The following DNAH8 variants were observed in gnomAD, a reference collection of about 807,000 sequenced individuals.
The protein encoded by DNAH8 is dynein axonemal heavy chain 8.
In DNAH8, 382 loss-of-function variants were observed where a neutral mutation model predicts 562.1. The observed-to-expected ratio is 0.68, with a 90% CI of 0.63 to 0.74. The LOEUF is 0.74. Among genes scored for constraint, DNAH8 ranks in the 30% least tolerant of loss-of-function variants. The probability of loss-of-function intolerance (pLI) is 0.00; values close to 1 mark genes in which losing one functional copy is unlikely to be tolerated. For synonymous variants in DNAH8, 1,881 were observed against 1,919.4 expected (o/e 0.98, Z 0.52); for missense variants, 5,203 against 5,620.4 (o/e 0.93, Z 2.37).
rs1267619757 is a variant in DNAH8, at chr6:38,743,014, T to TGTGC, written c.1293+1127_1293+1128insGTGC. Among the ~76,000 whole-genome samples the TGTGC allele has an allele frequency of 7.0e-5, 10 of 142,752 alleles. 1 individual carries two copies. The highest frequency in any genetic ancestry group is 1.4e-4 in the Non-Finnish European group (9 of 65,328). 93.7% of individuals were successfully genotyped at this position (142,752 alleles called of 152,430 possible). A position where few individuals can be genotyped will look rare whatever the true frequency, so the allele number is the denominator to read the frequency against. ...AAAAATGTTGTTGTTGTGCTTTTTTTTTTTTTTTTTTTTTTTTTTTAAAGA... is the reference window on the plus strand; with the variant it reads ...AAAAATGTTGTTGTTGTGCTTTTTTTGTGCTTTTTTTTTTTTTTTTTTTTAAAGA... On this transcript the variant is annotated intron_variant, in intron 8 of 92. Coordinates refer to ENST00000327475, the MANE Select transcript of DNAH8 (RefSeq NM_001206927.2).
chr6:38,734,983 A>G (rs1438505864), intron 5 of DNAH8, among the ~76,000 whole-genome samples: 1 of 152,196 alleles, frequency 6.6e-6, no homozygotes, highest in Admixed American at 6.5e-5. Flanking sequence ...TAGAGCCTGG[A>G]CATTGCTAAG....
intron 17 of DNAH8, among the ~76,000 whole-genome samples, chr6:38,783,599 C>G (rs1193163212): frequency 6.6e-6 from 1 of 152,038 alleles, no homozygotes; most frequent in Non-Finnish European, 1.5e-5. Flanking sequence ...GTTTGAGCTC[C>G]AGTAAATGAA....
At chr6:38,994,884 T>C (rs1207656954) in intron 88 of DNAH8, among the ~76,000 whole-genome samples, 1 of 152,130 alleles carries the variant, frequency 6.6e-6, no homozygotes, top group Non-Finnish European at 1.5e-5. Flanking sequence ...CCACACGTGA[T>C]CCGCCAGCCT....
chr6:38,780,643 G>A (rs1768490927), intron 15 of DNAH8, among the ~76,000 whole-genome samples: 1 of 152,120 alleles, frequency 6.6e-6, no homozygotes, highest in Admixed American at 6.5e-5. Flanking sequence ...TAAACATTGA[G>A]TACACATGGA....
rs571596846 is a variant in DNAH8 at position 38,775,841 on chromosome 6, A to G, written c.1852A>G (p.Arg618Gly). 3.7e-6 allele frequency: 6 copies of G among 1,606,490 alleles called. No individual in the cohort carries two copies. The highest frequency in any genetic ancestry group is 1.7e-4 in the Middle Eastern group (1 of 6,026). ...AATAGATATTATGGCAATAAAATTC[A>G]GAAATATATACCAAGGGGTTAAGAA... ...EGIDIMAIKF[R>G]NIYQGVKKKQ... The change falls in exon 13 of 93, where the codon AGA becomes GGA. Residue 618 changes from arginine (R) to glycine (G), a missense_variant. This residue lies in a region of DNAH8 where 2,176 missense variants were observed against 2,365.1 expected (regional missense o/e 0.92). Coordinates refer to ENST00000327475, the MANE Select transcript of DNAH8 (RefSeq NM_001206927.2).
chr6:38,822,932 T>C lies in DNAH8; in HGVS notation c.3618T>C (p.Leu1206=). The change falls in exon 27 of 93, where the codon CTT becomes CTC. Residue 1206 remains leucine, a synonymous_variant. Transcript: ENST00000327475. ...ATATTTCTAAGTTGGTCCTGCTCCT[T>C]TCTTCCTCTGTAAATTCCCTAAGAA... ...HKDISKLVLL[L]SSSVNSLRKA... The C allele has an allele frequency of 1.2e-6, 2 of 1,613,738 alleles. No homozygotes were observed. The highest frequency in any genetic ancestry group is 8.5e-7 in the Non-Finnish European group (1 of 1,179,868).
chr6:38,789,911 T>A lies in DNAH8; in HGVS notation c.2664+28T>A, dbSNP rs747712506. ...TGGTATTGCTGAAGGTTTGTATTGA[T>A]TTTCCTGTTATTTAAAATTAGATTT... On this transcript the variant is annotated intron_variant, in intron 19 of 92. Coordinates refer to ENST00000327475, the MANE Select transcript of DNAH8 (RefSeq NM_001206927.2). 2.6e-6 allele frequency: 4 copies of A among 1,526,728 alleles called. No homozygotes were observed. In the African/African-American group the frequency reaches 5.5e-5, roughly 21 times the overall value. 94.6% of individuals were successfully genotyped at this position (1,526,728 alleles called of 1,614,324 possible).
chr6:39,006,419 A>G (rs2150760869), intron 88 of DNAH8, among the ~76,000 whole-genome samples: 1 of 152,314 alleles, frequency 6.6e-6, no homozygotes, highest in African/African-American at 2.4e-5. Context: ...TATTGCAAAT[A>G]CAGTATTTTG....
chr6:38,867,026 AT>A, intron 47 of DNAH8, 150 bp downstream of exon 47: 1 of 583,006 alleles, frequency 1.7e-6, no homozygotes. Context: ...TTGGTTGTGT[AT>A]TTTTAAGACC....
chr6:38,996,378 A>G (rs1228338051), intron 88 of DNAH8, among the ~76,000 whole-genome samples: 4 of 152,058 alleles, frequency 2.6e-5, no homozygotes, highest in Non-Finnish European at 5.9e-5. Flanking sequence ...TGTTGTCTAG[A>G]CCTTTCCTCT....
intron 80 of DNAH8, among the ~76,000 whole-genome samples, chr6:38,948,175 T>C (rs1761585736): frequency 1.3e-5 from 2 of 152,156 alleles, no homozygotes; most frequent in Admixed American, 6.5e-5. Context: ...ACCACAGATA[T>C]GAGACTTTGG....
At chr6:38,932,215 C>CACACACACACACACACAT (rs1199457741) in intron 76 of DNAH8, among the ~76,000 whole-genome samples, 22 of 150,690 alleles carry the variant, frequency 1.5e-4, no homozygotes, top group African/African-American at 5.4e-4. Flanking sequence ...CACACACACA[C>CACACACACACACACACAT]ACCCGTCTCT....
intron 85 of DNAH8, among the ~76,000 whole-genome samples, chr6:38,981,109 A>G (rs1056595177): frequency 6.6e-6 from 1 of 151,958 alleles, no homozygotes; most frequent in Non-Finnish European, 1.5e-5. Context: ...GTATATACTT[A>G]GAGGTAAAAG....
chr6:38,770,576 C>A lies in DNAH8; in HGVS notation c.1764+17C>A. 1.9e-6 allele frequency: 3 copies of A among 1,564,874 alleles called. No individual in the cohort carries two copies. The South Asian group carries it at 3.7e-5, about 19-fold the overall frequency. On this transcript the variant is annotated intron_variant, in intron 12 of 92. Coordinates refer to ENST00000327475, the MANE Select transcript of DNAH8 (RefSeq NM_001206927.2). ...CTGGAGAAGGTAAGCATTATGCAGT[C>A]ATCGTACCCCACTCCACACCACACC...
At chr6:38,755,233 G>T (rs1199140260) in intron 9 of DNAH8, among the ~76,000 whole-genome samples, 1 of 152,106 alleles carries the variant, frequency 6.6e-6, no homozygotes, top group Non-Finnish European at 1.5e-5. Context: ...TATATCTGAT[G>T]TAATCAAACC....
At chr6:38,770,983 C>T (rs768288315) in intron 12 of DNAH8, among the ~76,000 whole-genome samples, 4 of 152,110 alleles carry the variant, frequency 2.6e-5, no homozygotes, top group African/African-American at 7.2e-5. Flanking sequence ...AAACATTGTG[C>T]GGGTGATATC....
At chr6:38,923,015 A>C (rs376739571) in intron 71 of DNAH8, 43 bp from the exon 72 acceptor site, 42 of 1,589,304 alleles carry the variant, frequency 2.6e-5, no homozygotes, top group Non-Finnish European at 3.4e-5. Flanking sequence ...TGTGTTAAGC[A>C]CTTAGAAAAG....
At position 38,722,796 on chromosome 6, in the gene DNAH8, C is replaced by T; in HGVS notation, c.-14C>T. ...TCTAGGTTTCGAAGTATAAAGCATT[C>T]CGCACGACGGGGGATGGAGAAGGAT... On this transcript the variant is annotated 5_prime_UTR_variant, in exon 2 of 93. Transcript: ENST00000327475. 1 of 1,564,422 alleles carries T rather than the reference C, an allele frequency of 6.4e-7. No homozygotes were observed. The highest frequency in any genetic ancestry group is 8.6e-7 in the Non-Finnish European group (1 of 1,158,262).
At chr6:38,982,940 C>T (rs971547662) in intron 86 of DNAH8, among the ~76,000 whole-genome samples, 3 of 152,168 alleles carry the variant, frequency 2.0e-5, no homozygotes, top group African/African-American at 7.2e-5. Context: ...CTCATGTGTG[C>T]AGGATCTCAC....
Sources: gnomAD v4.1 joint callset for allele counts (sites outside exome capture counted in the v4.1 genomes callset) on GRCh38, gnomAD v4.1.1 for gene constraint, gnomAD v4.1.1 regional missense constraint, MANE v1.5 for transcripts, NCBI Gene and HGNC (gene_info 2026-07-23, HGNC 2026-07-21) for gene names.